COL24A1: variants seen among roughly 807,000 people sequenced by gnomAD.
The protein encoded by COL24A1 is collagen alpha-1(XXIV) chain.
A neutral mutation model predicts 253.9 loss-of-function variants in COL24A1; 224 were observed. The observed-to-expected ratio is 0.88, with a 90% confidence interval of 0.79 to 0.99. The LOEUF (loss-of-function observed/expected upper bound fraction) is 0.99. Ranked by LOEUF, COL24A1 falls within the 50% of genes least tolerant of loss-of-function variation. COL24A1 has a pLI of 0.00. For missense variants in COL24A1, 2,131 were observed against 2,068.5 expected (o/e 1.03, Z -0.59); for synonymous variants, 685 against 673.7 (o/e 1.02, Z -0.26).
chr1:85,988,708 A>G (rs549318585), intron 19 of COL24A1, among the ~76,000 whole-genome samples: 1 of 152,164 alleles, frequency 6.6e-6, no homozygotes, highest in South Asian at 2.1e-4. Flanking sequence ...ATGGGAATAA[A>G]AAATATGAAG....
intron 20 of COL24A1, among the ~76,000 whole-genome samples, chr1:85,975,896 C>T (rs1406432860): frequency 6.6e-6 from 1 of 152,138 alleles, no homozygotes; most frequent in Non-Finnish European, 1.5e-5. Context: ...TTACCTAGAG[C>T]TGAAACTGAT....
chr1:85,956,748 C>T (rs572661991), intron 24 of COL24A1, among the ~76,000 whole-genome samples: 18 of 152,162 alleles, frequency 1.2e-4, no homozygotes, highest in African/African-American at 3.9e-4. Context: ...AAGTCCCCAC[C>T]GATTATTTGC....
At chr1:85,773,622 C>G (rs1570553088) in intron 53 of COL24A1, among the ~76,000 whole-genome samples, 1 of 151,268 alleles carries the variant, frequency 6.6e-6, no homozygotes, top group Non-Finnish European at 1.5e-5. Context: ...ATTTTATTCT[C>G]TTAGTAGCTA....
intron 7 of COL24A1, among the ~76,000 whole-genome samples, chr1:86,082,835 G>A (rs1398876567): frequency 3.3e-5 from 5 of 151,318 alleles, no homozygotes; most frequent in Admixed American, 6.6e-5. Flanking sequence ...TCAGATTTTG[G>A]AACATTTGCA....
In COL24A1 at chr1:86,116,149, T is replaced by C. The variant is rs1235971790; in HGVS notation, c.1492-771A>G. 2.0e-5 allele frequency among the ~76,000 whole-genome samples: 3 copies of C among 149,050 alleles called. No individual in the cohort carries two copies. In the East Asian group the frequency reaches 5.8e-4, roughly 29 times the overall value. On this transcript the variant is annotated intron_variant, in intron 3 of 59. Coordinates refer to ENST00000370571, the MANE Select transcript of COL24A1 (RefSeq NM_152890.7). ...GTGATATGGTTGAACACATATTCAT[T>C]CATTCATCTGTTCATTCATTCAATT...
Position 85,771,933 on chromosome 1 carries a change from A to G in COL24A1, c.4374+3741T>C, listed in dbSNP as rs1307216861. ...CATCTAGCATTAGGTATATCTCCCA[A>G]TGCTATCCCTCCCCCGTACCCCCAC... is the stretch of plus-strand genomic sequence containing the variant. On this transcript the variant is annotated intron_variant, in intron 53 of 59. Transcript: ENST00000370571. Among the ~76,000 whole-genome samples the G allele has an allele frequency of 3.3e-4, 49 of 146,588 alleles. No homozygotes were observed. In the East Asian group the frequency reaches 7.3e-3, roughly 22 times the overall value.
intron 19 of COL24A1, among the ~76,000 whole-genome samples, chr1:85,998,321 C>A (rs950081390): frequency 3.3e-5 from 5 of 152,174 alleles, no homozygotes; most frequent in African/African-American, 1.2e-4. Context: ...TCTTGCACCA[C>A]GTAACTTGTT....
At chr1:85,777,151 T>C (rs1668627821) in intron 52 of COL24A1, among the ~76,000 whole-genome samples, 1 of 151,916 alleles carries the variant, frequency 6.6e-6, no homozygotes, top group Non-Finnish European at 1.5e-5. Flanking sequence ...CGTTTCACCA[T>C]GTTGGCCAGG....
intron 12 of COL24A1, among the ~76,000 whole-genome samples, chr1:86,045,581 A>G (rs1303976470): frequency 6.6e-6 from 1 of 152,156 alleles, no homozygotes; most frequent in East Asian, 1.9e-4. Flanking sequence ...TTAACACACC[A>G]ATGTATTCAA....
intron 53 of COL24A1, among the ~76,000 whole-genome samples, chr1:85,774,373 T>C (rs1668307523): frequency 6.6e-6 from 1 of 152,302 alleles, no homozygotes; most frequent in Admixed American, 6.5e-5. Flanking sequence ...ATCAGGATGA[T>C]GCTGGCCTCA....
chr1:86,081,261 C>A (rs1239217417), intron 7 of COL24A1, among the ~76,000 whole-genome samples: 1 of 152,034 alleles, frequency 6.6e-6, no homozygotes, highest in Non-Finnish European at 1.5e-5. Context: ...ACATTTTATC[C>A]TTTGCACTTT....
At chr1:86,002,027 T>G (rs1695465633) in intron 19 of COL24A1, among the ~76,000 whole-genome samples, 1 of 152,220 alleles carries the variant, frequency 6.6e-6, no homozygotes, top group South Asian at 2.1e-4. Context: ...CCTCTGCACT[T>G]TTTTTCTTAG....
chr1:86,110,789 C>G (rs1028995846), intron 5 of COL24A1, among the ~76,000 whole-genome samples: 1 of 152,174 alleles, frequency 6.6e-6, no homozygotes, highest in Admixed American at 6.5e-5. Context: ...CAGGGCAGGG[C>G]TCCGGACCTG....
At chr1:85,765,007 T>C (rs1488584778) in intron 53 of COL24A1, among the ~76,000 whole-genome samples, 1 of 152,232 alleles carries the variant, frequency 6.6e-6, no homozygotes, top group African/African-American at 2.4e-5. Flanking sequence ...TGGTAAGTGT[T>C]CTTGAATTTA....
intron 7 of COL24A1, among the ~76,000 whole-genome samples, chr1:86,081,619 C>T (rs1265242775): frequency 6.6e-6 from 1 of 152,132 alleles, no homozygotes; most frequent in Non-Finnish European, 1.5e-5. Context: ...ACTGTCTGTA[C>T]ATGATTGAAG....
chr1:85,946,351 G>T (rs994545412), intron 24 of COL24A1, among the ~76,000 whole-genome samples: 1 of 152,188 alleles, frequency 6.6e-6, no homozygotes, highest in Non-Finnish European at 1.5e-5. Context: ...CTGATGCTCT[G>T]TATGCTTTCA....
rs779675945 is a variant in COL24A1 at position 86,017,159 on chromosome 1, CTGGAGGGCCAGATGGTCCT to C, written c.2283_2301del (p.Gly762AspfsTer71). 6.3e-7 allele frequency: 1 copy of C among 1,593,580 alleles called. No individual in the cohort carries two copies. The highest frequency in any genetic ancestry group is 8.5e-7 in the Non-Finnish European group (1 of 1,172,578). On this transcript the variant is annotated frameshift_variant, in exon 19 of 60. Coordinates refer to ENST00000370571, the MANE Select transcript of COL24A1 (RefSeq NM_152890.7). LOFTEE classifies it high-confidence loss of function. The stretch of plus-strand genomic sequence containing the variant: ...TTCCACCAATATTTTACCTCTGGTC[CTGGAGGGCCAGATGGTCCT>C]TGGAGTCCTGGGTCACCTGTTTGGC...
intron 57 of COL24A1, among the ~76,000 whole-genome samples, chr1:85,742,914 G>A (rs1664811457): frequency 1.3e-5 from 2 of 152,032 alleles, no homozygotes; most frequent in South Asian, 4.1e-4. Context: ...GGAACGCTAA[G>A]CATAAAGCAT....
chr1:85,953,050 A>G (rs948932962), intron 24 of COL24A1, among the ~76,000 whole-genome samples: 1 of 152,032 alleles, frequency 6.6e-6, no homozygotes, highest in African/African-American at 2.4e-5. Context: ...AGTCCTTCCC[A>G]TTCTTTAATA....
Sources: allele counts gnomAD v4.1 joint callset (sites outside exome capture counted in the v4.1 genomes callset), GRCh38; gene constraint gnomAD v4.1.1; transcripts MANE v1.5; gene names NCBI Gene and HGNC (gene_info 2026-07-23, HGNC 2026-07-21).